Variants in ADAR observed in about 807,000 individuals in gnomAD.
ADAR encodes double-stranded RNA-specific adenosine deaminase.
Under a neutral mutation model 113.2 loss-of-function variants are expected in ADAR, and 41 were observed. That is an observed-to-expected ratio of 0.36 (90% CI 0.28 to 0.47). The LOEUF (loss-of-function observed/expected upper bound fraction) is 0.47. Ranked by LOEUF, ADAR falls within the 20% of genes least tolerant of loss-of-function variation. ADAR has a pLI of 1.00. For synonymous variants in ADAR, 605 were observed against 572.6 expected (o/e 1.06, Z -0.81); for missense variants, 1,242 against 1,540.9 (o/e 0.81, Z 3.25).
In ADAR at chr1:154,608,029, G is replaced by T. The variant is rs768211404; in HGVS notation, c.-23C>A. 7.0e-6 allele frequency: 11 copies of T among 1,569,118 alleles called. No homozygotes were observed. Among genetic ancestry groups the T allele is most frequent in the Non-Finnish European group, 8.6e-6 (10 of 1,156,480 alleles). On this transcript the variant is annotated 5_prime_UTR_variant, in exon 1 of 15. Coordinates refer to ENST00000368474, the MANE Select transcript of ADAR (RefSeq NM_001111.5). ...CATTGCGCCCGCGAGGCATTGCCCG[G>T]CCCGACCCGCCGGCGGCACGACCCT...
At position 154,608,122 on chromosome 1, in the gene ADAR, GC is replaced by G; in HGVS notation, c.-117del. ...CCTCCGCTACTCCGCACTGGAAGTG[GC>G]CCCGGGGCGTCGGCACGGGAAACTC... On this transcript the variant is annotated 5_prime_UTR_variant, in exon 1 of 15. Coordinates refer to ENST00000368474, the MANE Select transcript of ADAR (RefSeq NM_001111.5). 6 of 1,325,186 alleles carry G rather than the reference GC, an allele frequency of 4.5e-6. No homozygotes were observed. Among genetic ancestry groups the G allele is most frequent in the East Asian group, 3.0e-5 (1 of 33,864 alleles). 82.1% of individuals were successfully genotyped at this position (1,325,186 alleles called of 1,614,324 possible). A position where few individuals can be genotyped will look rare whatever the true frequency, so the allele number is the denominator to read the frequency against.
chr1:154,592,623 G>A (rs1419086660), intron 6 of ADAR, among the ~76,000 whole-genome samples: 2 of 152,086 alleles, frequency 1.3e-5, no homozygotes, highest in Non-Finnish European at 2.9e-5. Flanking sequence ...AAAGGAGATA[G>A]AGGAAAAGAT....
rs1264221104 is a variant in ADAR at position 154,596,999 on chromosome 1, A to C, written c.2080-4T>G. 6.2e-7 allele frequency: 1 copy of C among 1,614,214 alleles called. No individual in the cohort carries two copies. Among genetic ancestry groups the C allele is most frequent in the South Asian group, 1.1e-5 (1 of 91,086 alleles). Reference sequence around the variant, plus strand: ...ACTCTGAGATCATACCTTCAGGCTAAAGGAGAATCCATCAAACAGAGGAGC... The same window carrying C: ...ACTCTGAGATCATACCTTCAGGCTACAGGAGAATCCATCAAACAGAGGAGC... On this transcript the variant is annotated splice_region_variant and splice_polypyrimidine_tract_variant and intron_variant, in intron 5 of 14. Coordinates refer to ENST00000368474, the MANE Select transcript of ADAR (RefSeq NM_001111.5).
At chr1:154,603,513 C>T (rs1698012593) in intron 1 of ADAR, among the ~76,000 whole-genome samples, 1 of 152,160 alleles carries the variant, frequency 6.6e-6, no homozygotes, top group African/African-American at 2.4e-5. Context: ...CCTTCCCTAG[C>T]TACTTCCCCA....
intron 1 of ADAR, among the ~76,000 whole-genome samples, chr1:154,623,544 GGCAGT>G (rs1698852008): frequency 6.6e-6 from 1 of 152,142 alleles, no homozygotes; most frequent in South Asian, 2.1e-4. Context: ...GTTATGGACG[GGCAGT>G]TTACTTCCTC....
chr1:154,600,904 A>G, intron 2 of ADAR, 137 bp downstream of exon 2: 1 of 1,181,082 alleles, frequency 8.5e-7, no homozygotes, highest in South Asian at 1.3e-5. Context: ...ATCAAGGGGA[A>G]TTTAGCTAAA....
At chr1:154,618,268 T>C (rs1248033633) in intron 1 of ADAR, among the ~76,000 whole-genome samples, 1 of 151,656 alleles carries the variant, frequency 6.6e-6, no homozygotes, top group Admixed American at 6.6e-5. Context: ...ATGTGGAAAA[T>C]TACAAAACTC....
In ADAR at chr1:154,585,030, A is replaced by G; in HGVS notation, c.3457T>C (p.Leu1153=). ...ATGTTCTTTTTGGAGACCCGGGACAATTCATTCCGTGGCCTAGAGAAACAA... is the reference window on the plus strand; with the variant it reads ...ATGTTCTTTTTGGAGACCCGGGACAGTTCATTCCGTGGCCTAGAGAAACAA... ...RGTVDGPRNE[L]SRVSKKNIFL... Residue 1153 remains leucine (L), a synonymous_variant, in exon 15 of 15, where the codon TTG becomes CTG. Transcript: ENST00000368474. The G allele has an allele frequency of 6.2e-7, 1 of 1,613,982 alleles. No homozygotes were observed. Among genetic ancestry groups the G allele is most frequent in the African/African-American group, 1.3e-5 (1 of 75,030 alleles).
chr1:154,602,882 G>A (rs1697980209), intron 1 of ADAR, among the ~76,000 whole-genome samples: 1 of 152,238 alleles, frequency 6.6e-6, no homozygotes, highest in Admixed American at 6.5e-5. Context: ...TGAGGCCTCA[G>A]CATAGCCTCT....
At chr1:154,611,294 A>T (rs941009047), upstream of ADAR, among the ~76,000 whole-genome samples, 3 of 152,190 alleles carry the variant, frequency 2.0e-5, no homozygotes, top group Admixed American at 2.0e-4. Context: ...GTGGCAAAGC[A>T]GTGAACTTTC....
At chr1:154,608,835 G>T (rs1204279537), upstream of ADAR, 1 of 140,050 alleles carries the variant, frequency 7.1e-6, no homozygotes, top group African/African-American at 2.6e-5. Flanking sequence ...TGGAGGGGGG[G>T]GGGAGGGGAT....
chr1:154,610,808 C>CAAAAAAAAAAAAAAAAAAAAAAAAA (rs1369386387), upstream of ADAR, among the ~76,000 whole-genome samples: 7 of 40,528 alleles, frequency 1.7e-4, 2 homozygotes, highest in East Asian at 1.2e-3. Flanking sequence ...GACACCGTCT[C>CAAAAAAAAAAAAAAAAAAAAAAAAA]AAAAAAAAAA....
At position 154,602,536 on chromosome 1, in the gene ADAR, G is replaced by T; in HGVS notation, c.106C>A (p.Pro36Thr). 1 of 1,614,208 alleles carries T rather than the reference G, an allele frequency of 6.2e-7. No homozygotes were observed. ...ATTTGCTTAAGCAGGAAACTACTGGGGGAAGATCCTGGCCCAGGCTGCTGG... is the reference window on the plus strand; with the variant it reads ...ATTTGCTTAAGCAGGAAACTACTGGTGGAAGATCCTGGCCCAGGCTGCTGG... ...RYQQPGPGSS[P>T]SSFLLKQIEF... The change falls in exon 2 of 15, where the codon CCC becomes ACC. Residue 36 changes from proline (P) to threonine (T), a missense_variant. Transcript: ENST00000368474.
rs978034540 is a variant in ADAR, at chr1:154,590,373, G to A, written c.2307C>T (p.Phe769=). The change falls in exon 7 of 15, where the codon TTC becomes TTT. Residue 769 remains phenylalanine, a synonymous_variant. Coordinates refer to ENST00000368474, the MANE Select transcript of ADAR (RefSeq NM_001111.5). Reference sequence around the variant, plus strand: ...TCTTGCTGTGTGCGCAGACGGCTGGGAACCAGCGACCCCCAACTTTTGCTT... The same window carrying A: ...TCTTGCTGTGTGCGCAGACGGCTGGAAACCAGCGACCCCCAACTTTTGCTT... ...VYQAKVGGRW[F]PAVCAHSKKQ... 2.0e-5 allele frequency: 33 copies of A among 1,613,988 alleles called. No homozygotes were observed. The highest frequency in any genetic ancestry group is 1.5e-4 in the Admixed American group (9 of 59,978).
At chr1:154,595,414 C>T (rs1026874066) in intron 6 of ADAR, among the ~76,000 whole-genome samples, 1 of 152,094 alleles carries the variant, frequency 6.6e-6, no homozygotes, top group African/African-American at 2.4e-5. Flanking sequence ...AGGTGGAAGA[C>T]AGTGATACTG....
rs201143561 is a variant in ADAR at position 154,601,870 on chromosome 1, C to T, written c.772G>A (p.Gly258Arg). Residue 258 changes from glycine (G) to arginine (R), a missense_variant, in exon 2 of 15, where the codon GGA (glycine) becomes AGA (arginine). Gly to Arg is a moderately radical substitution (Grantham distance 125, BLOSUM62 -2). This residue lies in a region of ADAR where 462 missense variants were observed against 483.1 expected (regional missense o/e 0.96). Coordinates refer to ENST00000368474, the MANE Select transcript of ADAR (RefSeq NM_001111.5). The surrounding 1 kb of genome is among the most constrained non-coding windows in gnomAD (Gnocchi z 4.7). ...CTATGACTGTCTGGTCTTACCACTC[C>T]GCTGTGCTGGTTCCAAGCCTGAGCT... ...VSAQAWNQHS[G>R]VVRPDSHSQG... 5.7e-4 allele frequency: 922 copies of T among 1,614,168 alleles called. 5 individuals are homozygous for T. Among genetic ancestry groups the T allele is most frequent in the South Asian group, 1.9e-3 (177 of 91,080 alleles).
At position 154,602,391 on chromosome 1, in the gene ADAR, C is replaced by T. The variant is rs770226123; in HGVS notation, c.251G>A (p.Arg84Lys). ...RFPVLLASST[R>K]GRQVDIRGVP... ...ACCCCTGATGTCCACTTGCCTGCCT[C>T]TGGTACTGGAGGCAAGTAGTACTGG... is the stretch of plus-strand genomic sequence containing the variant. Residue 84 changes from arginine to lysine, a missense_variant, in exon 2 of 15, where the codon AGA becomes AAA. Arg to Lys is a conservative substitution (Grantham distance 26). This residue lies in a region of ADAR where 462 missense variants were observed against 483.1 expected (regional missense o/e 0.96). Transcript: ENST00000368474. The T allele has an allele frequency of 6.2e-7, 1 of 1,603,484 alleles. No individual in the cohort carries two copies. The highest frequency in any genetic ancestry group is 1.7e-5 in the Admixed American group (1 of 59,494).
At position 154,584,671 on chromosome 1, in the gene ADAR, G is replaced by A. The variant is rs1229383807; in HGVS notation, c.*135C>T. On this transcript the variant is annotated 3_prime_UTR_variant, in exon 15 of 15. Transcript: ENST00000368474. ...GATAAATGGGAACCCAAAGTTTTCA[G>A]TATCACCAATTATGGCTTAAAAAGA... 3 of 828,918 alleles carry A rather than the reference G, an allele frequency of 3.6e-6. No homozygotes were observed. The African/African-American group carries it at 5.2e-5, about 14-fold the overall frequency. 51.3% of individuals were successfully genotyped at this position (828,918 alleles called of 1,614,324 possible).
At chr1:154,591,467 C>T (rs2101594309) in intron 6 of ADAR, among the ~76,000 whole-genome samples, 1 of 152,366 alleles carries the variant, frequency 6.6e-6, no homozygotes, top group Non-Finnish European at 1.5e-5. Context: ...CAGGCTTAAG[C>T]TAACTCTGGG....
Sources: allele counts gnomAD v4.1 joint callset (sites outside exome capture counted in the v4.1 genomes callset), GRCh38; gene constraint gnomAD v4.1.1; regional missense constraint gnomAD v4.1.1; non-coding constraint Gnocchi (gnomAD v3.1); transcripts MANE v1.5; gene names NCBI Gene and HGNC (gene_info 2026-07-23, HGNC 2026-07-21).